The following LIMS1 variants were observed in gnomAD, a reference collection of about 807,000 sequenced individuals.
The protein encoded by LIMS1 is LIM and senescent cell antigen-like-containing domain protein 1.
In LIMS1, 18 loss-of-function variants were observed where a neutral mutation model predicts 44.1. The observed-to-expected ratio is 0.41, with a 90% CI of 0.28 to 0.61. The LOEUF is 0.61. Ranked by LOEUF, LIMS1 falls within the 20% of genes least tolerant of loss-of-function variation. The pLI is 0.32. For synonymous variants in LIMS1, 93 were observed against 149.1 expected (o/e 0.62, Z 2.74); for missense variants, 201 against 422.0 (o/e 0.48, Z 4.59).
intron 1 of LIMS1, among the ~76,000 whole-genome samples, chr2:108,618,407 T>C (rs931991525): frequency 4.6e-5 from 7 of 152,186 alleles, no homozygotes; most frequent in Admixed American, 3.9e-4. Context: ...GTCTTTGTCA[T>C]GGCCCTGCTG....
At chr2:108,608,973 T>G (rs1419648867) in intron 1 of LIMS1, among the ~76,000 whole-genome samples, 2 of 152,222 alleles carry the variant, frequency 1.3e-5, no homozygotes, top group African/African-American at 4.8e-5. Context: ...TTTTGTGCTA[T>G]ATTTTAACTT....
At position 108,659,134 on chromosome 2, in the gene LIMS1, A is replaced by G. The variant is rs892447379; in HGVS notation, c.33-471A>G. On this transcript the variant is annotated intron_variant, in intron 1 of 9. Coordinates refer to ENST00000544547, the Ensembl canonical transcript of LIMS1. ...TTTTCCACAGGATTTAATCAAAGGG[A>G]TAACCCGTGTCTAGGTTATATGACA... The G allele has an allele frequency of 8.2e-6, 8 of 981,138 alleles. No homozygotes were observed. The African/African-American group carries it at 1.4e-4, about 17-fold the overall frequency. The allele number at this position is 981,138 out of a possible 1,614,324, so 60.8% of individuals were successfully genotyped here.
chr2:108,639,938 C>A (rs541477413), intron 1 of LIMS1, among the ~76,000 whole-genome samples: 5 of 152,306 alleles, frequency 3.3e-5, no homozygotes, highest in African/African-American at 1.2e-4. Flanking sequence ...TGATCCCATC[C>A]CAAAGCACTT....
chr2:108,638,448 A>G lies in LIMS1; in HGVS notation c.33-21157A>G, dbSNP rs189824403. ...GTGTGCTTGGTGCCATGAGGGGTATAAAGATTCAACAGAGGCTGGGCGTGG... is the reference window on the plus strand; with the variant it reads ...GTGTGCTTGGTGCCATGAGGGGTATGAAGATTCAACAGAGGCTGGGCGTGG... On this transcript the variant is annotated intron_variant, in intron 1 of 9. Transcript: ENST00000544547. 7.3e-3 allele frequency among the ~76,000 whole-genome samples: 1,113 copies of G among 152,280 alleles called. 5 individuals carry two copies. The highest frequency in any genetic ancestry group is 0.012 in the Non-Finnish European group (796 of 68,016).
chr2:108,551,945 GTGTGTGTGTA>G (rs1456521363), intron 1 of LIMS1, among the ~76,000 whole-genome samples: 5 of 96,356 alleles, frequency 5.2e-5, no homozygotes, highest in Admixed American at 1.3e-4. Context: ...GTGTGTGTGT[GTGTGTGTGTA>G]TATATATATA....
rs1456031969 is a variant in LIMS1 at position 108,592,287 on chromosome 2, C to T, written c.32+57693C>T. 3.3e-5 allele frequency among the ~76,000 whole-genome samples: 5 copies of T among 152,190 alleles called. No individual in the cohort carries two copies. In the East Asian group the frequency reaches 7.7e-4, roughly 24 times the overall value. On this transcript the variant is annotated intron_variant, in intron 1 of 9. Coordinates refer to ENST00000544547, the Ensembl canonical transcript of LIMS1. ...AGTTACAGGATGAAATGTTGATGTC[C>T]TGTAGAGTGCTTGATTAAAATAAGT... is the stretch of plus-strand genomic sequence containing the variant.
At chr2:108,590,220 C>A (rs1362076174) in intron 1 of LIMS1, among the ~76,000 whole-genome samples, 2 of 152,112 alleles carry the variant, frequency 1.3e-5, no homozygotes, top group Non-Finnish European at 2.9e-5. Context: ...AAGGCAGTCT[C>A]TTATATAGAT....
At chr2:108,668,892 G>A (rs1177411655) in intron 2 of LIMS1, among the ~76,000 whole-genome samples, 2 of 152,148 alleles carry the variant, frequency 1.3e-5, no homozygotes, top group African/African-American at 2.4e-5. Context: ...GCATAGTATC[G>A]AGTAATAGCA....
chr2:108,602,042 GTATTT>G (rs1687044805), intron 1 of LIMS1, among the ~76,000 whole-genome samples: 1 of 152,004 alleles, frequency 6.6e-6, no homozygotes, highest in Admixed American at 6.6e-5. Flanking sequence ...TAATTCCTGG[GTATTT>G]TATTTTATTT....
rs147522782 is a variant in LIMS1, at chr2:108,669,892, T to C, written c.193-889T>C. Among the ~76,000 whole-genome samples the C allele has an allele frequency of 5.6e-4, 86 of 152,334 alleles. 1 individual carries two copies. The East Asian group carries it at 0.016, about 29-fold the overall frequency. On this transcript the variant is annotated intron_variant, in intron 2 of 9. Transcript: ENST00000544547. Reference sequence around the variant, plus strand: ...CTAAGATATGCTTTTCAAGTAAACATAGTATAAAAAAATTAATATTTGTGT... The same window carrying C: ...CTAAGATATGCTTTTCAAGTAAACACAGTATAAAAAAATTAATATTTGTGT...
chr2:108,552,448 T>C (rs1476025334), intron 1 of LIMS1, among the ~76,000 whole-genome samples: 1 of 145,640 alleles, frequency 6.9e-6, no homozygotes, highest in Non-Finnish European at 1.5e-5. Flanking sequence ...ATATAAAATA[T>C]ACAGTTAAAT....
chr2:108,636,627 A>G (rs970246830), intron 1 of LIMS1, among the ~76,000 whole-genome samples: 1 of 152,218 alleles, frequency 6.6e-6, no homozygotes, highest in Non-Finnish European at 1.5e-5. Context: ...GATGCCTCCT[A>G]CAGGACACAA....
At chr2:108,585,215 A>T (rs1453230320) in intron 1 of LIMS1, among the ~76,000 whole-genome samples, 1 of 149,512 alleles carries the variant, frequency 6.7e-6, no homozygotes. Context: ...ACCTTAAGGG[A>T]TGCTGACTGT....
chr2:108,633,222 A>AT (rs1689030343), intron 1 of LIMS1, among the ~76,000 whole-genome samples: 1 of 152,308 alleles, frequency 6.6e-6, no homozygotes, highest in Middle Eastern at 3.4e-3. Context: ...ACACAGAATT[A>AT]TTTTTTGTGT....
At chr2:108,554,650 A>G (rs778109202) in intron 1 of LIMS1, among the ~76,000 whole-genome samples, 2 of 152,178 alleles carry the variant, frequency 1.3e-5, no homozygotes, top group Admixed American at 6.5e-5. Context: ...TGCACTATTC[A>G]ATATCCGTGC....
At chr2:108,587,441 T>G (rs1341363554) in intron 1 of LIMS1, among the ~76,000 whole-genome samples, 1 of 151,870 alleles carries the variant, frequency 6.6e-6, no homozygotes, top group African/African-American at 2.4e-5. Flanking sequence ...TCAAGTGATC[T>G]CCTATGTCGG....
chr2:108,558,601 T>C (rs1367406029), intron 1 of LIMS1, among the ~76,000 whole-genome samples: 2 of 152,008 alleles, frequency 1.3e-5, no homozygotes, highest in Non-Finnish European at 2.9e-5. Flanking sequence ...GTCTATAGAG[T>C]GCATTGGAGA....
intron 1 of LIMS1, among the ~76,000 whole-genome samples, chr2:108,597,710 T>TTTTC (rs1179168618): frequency 6.6e-6 from 1 of 150,986 alleles, no homozygotes; most frequent in Non-Finnish European, 1.5e-5. Context: ...TTTTTTTTTT[T>TTTTC]TGCGACAGAG....
At chr2:108,665,561 C>G (rs1343586755) in intron 2 of LIMS1, among the ~76,000 whole-genome samples, 1 of 152,074 alleles carries the variant, frequency 6.6e-6, no homozygotes, top group Admixed American at 6.6e-5. Flanking sequence ...GAGTTTCGCT[C>G]TGTCGCCCAG....
Sources: allele counts gnomAD v4.1 joint callset (sites outside exome capture counted in the v4.1 genomes callset), GRCh38; gene constraint gnomAD v4.1.1; transcripts MANE v1.5; gene names NCBI Gene and HGNC (gene_info 2026-07-23, HGNC 2026-07-21).